The following GAN variants were observed in gnomAD, a reference collection of about 807,000 sequenced individuals.
GAN encodes the protein gigaxonin, also known as epididymis secretory sperm binding protein.
GAN carries 48 observed loss-of-function variants against 71.3 expected under a neutral mutation model. That is an observed-to-expected ratio of 0.67 (90% CI 0.53 to 0.86). The LOEUF is 0.86. Ranked by LOEUF, GAN falls within the 40% of genes least tolerant of loss-of-function variation. The pLI is 0.00. For missense variants in GAN, 928 were observed against 770.1 expected (o/e 1.21, Z -2.43); for synonymous variants, 386 against 276.8 (o/e 1.39, Z -3.92).
rs780427229 is a variant in GAN at position 81,365,453 on chromosome 16, G to A, written c.1477G>A (p.Glu493Lys). 8 of 1,613,644 alleles carry A rather than the reference G, an allele frequency of 5.0e-6. No homozygotes were observed. The highest frequency in any genetic ancestry group is 5.9e-6 in the Non-Finnish European group (7 of 1,179,922). The change falls in exon 9 of 11, where the codon GAG becomes AAG. Residue 493 changes from glutamate to lysine, a missense_variant. Coordinates refer to ENST00000648994, the MANE Select transcript of GAN (RefSeq NM_022041.4). ...TAGCGAGATGGTAACTTGCAAGTCC[G>A]AGTTCTACCATGATGAGTTTAAAAG... ...QGSEMVTCKS[E>K]FYHDEFKRWI...
chr16:81,375,973 C>CAAAAAAAA (rs55948304), intron 9 of GAN, among the ~76,000 whole-genome samples: 1 of 106,532 alleles, frequency 9.4e-6, no homozygotes, highest in African/African-American at 3.5e-5. Flanking sequence ...GACCCTGTCT[C>CAAAAAAAA]AAAAAAAAAA....
In GAN at chr16:81,351,022, A is replaced by G. The variant is rs1910283141; in HGVS notation, c.168-561A>G. Among the ~76,000 whole-genome samples, 5 of 152,348 alleles carry G rather than the reference A, an allele frequency of 3.3e-5. 1 individual carries two copies. In the South Asian group the frequency reaches 1.0e-3, roughly 32 times the overall value. On this transcript the variant is annotated intron_variant, in intron 1 of 10. Transcript: ENST00000648994. ...TCATTTATATAAAACAATAATGCAAAATGGATGACTAATTATAAAACAAGT... is the reference window on the plus strand; with the variant it reads ...TCATTTATATAAAACAATAATGCAAGATGGATGACTAATTATAAAACAAGT...
At chr16:81,343,849 G>A (rs1433030410) in intron 1 of GAN, among the ~76,000 whole-genome samples, 4 of 152,198 alleles carry the variant, frequency 2.6e-5, no homozygotes, top group Non-Finnish European at 5.9e-5. Flanking sequence ...CAGATGACAT[G>A]ATTGTATATT....
At chr16:81,375,571 C>G (rs1904277593) in intron 9 of GAN, among the ~76,000 whole-genome samples, 1 of 152,066 alleles carries the variant, frequency 6.6e-6, no homozygotes, top group South Asian at 2.1e-4. Context: ...AGTGATTCAC[C>G]TGCCTCAACC....
At chr16:81,321,250 G>A (rs187233842) in intron 1 of GAN, among the ~76,000 whole-genome samples, 26 of 152,238 alleles carry the variant, frequency 1.7e-4, no homozygotes, top group Non-Finnish European at 2.9e-4. Context: ...AGAGGGAAGT[G>A]TGGGGTGTTC....
chr16:81,319,399 G>C (rs937280791), intron 1 of GAN, among the ~76,000 whole-genome samples: 3 of 151,666 alleles, frequency 2.0e-5, no homozygotes, highest in Non-Finnish European at 4.4e-5. Flanking sequence ...AGGCTCTTCC[G>C]ATTCTGGCAC....
chr16:81,348,549 G>A (rs1910196560), intron 1 of GAN, among the ~76,000 whole-genome samples: 2 of 152,196 alleles, frequency 1.3e-5, no homozygotes. Context: ...AGATACTGAT[G>A]GTGTCAGTCT....
Position 81,377,630 on chromosome 16 carries a change from C to T in GAN, c.*34C>T, listed in dbSNP as rs1323216186. 2 of 1,574,220 alleles carry T rather than the reference C, an allele frequency of 1.3e-6. No individual in the cohort carries two copies. The highest frequency in any genetic ancestry group is 1.1e-5 in the South Asian group (1 of 90,226). ...CAGAGCAGAGTGCGAGATCCTGACC[C>T]AAGAGCACCATAACATAGCTCCGAA... On this transcript the variant is annotated 3_prime_UTR_variant, in exon 11 of 11. Coordinates refer to ENST00000648994, the MANE Select transcript of GAN (RefSeq NM_022041.4).
chr16:81,381,210 T>C lies in GAN; in HGVS notation c.*3614T>C, dbSNP rs1234214045. On this transcript the variant is annotated 3_prime_UTR_variant, in exon 11 of 11. Transcript: ENST00000648994. The stretch of plus-strand genomic sequence containing the variant: ...TTCTAGAGAAATGTCTTAGCTGCTG[T>C]GGTCCATTAGAGTTCCCTTTGGTAC... 6.6e-6 allele frequency: 1 copy of C among 152,222 alleles called. No homozygotes were observed. Among genetic ancestry groups the C allele is most frequent in the Non-Finnish European group, 1.5e-5 (1 of 68,032 alleles). 9.4% of individuals were successfully genotyped at this position (152,222 alleles called of 1,614,324 possible). A position where few individuals can be genotyped will look rare whatever the true frequency, so the allele number is the denominator to read the frequency against.
At chr16:81,335,853 T>C (rs1195169449) in intron 1 of GAN, among the ~76,000 whole-genome samples, 1 of 151,764 alleles carries the variant, frequency 6.6e-6, no homozygotes, top group East Asian at 1.9e-4. Context: ...GTAAAAAGAA[T>C]TGGTGGCAGA....
chr16:81,355,451 A>G (rs1224597833), intron 3 of GAN, among the ~76,000 whole-genome samples: 1 of 152,156 alleles, frequency 6.6e-6, no homozygotes, highest in East Asian at 1.9e-4. Context: ...TGCAGTCCCA[A>G]CCTTCCTGGC....
rs896342041 is a variant in GAN at position 81,387,079 on chromosome 16, G to A, written c.*9483G>A. On this transcript the variant is annotated 3_prime_UTR_variant, in exon 11 of 11. Coordinates refer to ENST00000648994, the MANE Select transcript of GAN (RefSeq NM_022041.4). ...TCACTTAAGGTGAGCTACTCTAGCA[G>A]CATCCTGTTTGACATTTGTATCCAT... 1 of 152,228 alleles carries A rather than the reference G, an allele frequency of 6.6e-6. No individual in the cohort carries two copies. The highest frequency in any genetic ancestry group is 1.5e-5 in the Non-Finnish European group (1 of 68,048). The allele number at this position is 152,228 out of a possible 1,614,324, so 9.4% of individuals were successfully genotyped here. A position where few individuals can be genotyped will look rare whatever the true frequency, so the allele number is the denominator to read the frequency against.
chr16:81,340,835 A>C (rs969841577), intron 1 of GAN, among the ~76,000 whole-genome samples: 5 of 152,078 alleles, frequency 3.3e-5, no homozygotes, highest in Admixed American at 2.0e-4. Flanking sequence ...CAGTAATAAC[A>C]AACTTCTCCA....
chr16:81,358,252 C>T (rs928466093), intron 5 of GAN, among the ~76,000 whole-genome samples: 6 of 152,178 alleles, frequency 3.9e-5, no homozygotes, highest in African/African-American at 1.4e-4. Context: ...CACAGCGTTT[C>T]TTTGCACCAT....
At chr16:81,371,354 C>G (rs1261139537) in intron 9 of GAN, among the ~76,000 whole-genome samples, 2 of 152,158 alleles carry the variant, frequency 1.3e-5, no homozygotes, top group Non-Finnish European at 2.9e-5. Context: ...TCTAATTTTT[C>G]TGGCTCTTCT....
chr16:81,349,753 A>G (rs977711316), intron 1 of GAN, among the ~76,000 whole-genome samples: 5 of 152,242 alleles, frequency 3.3e-5, no homozygotes, highest in Admixed American at 2.0e-4. Flanking sequence ...CTGAATGCAA[A>G]TAATGAGTTT....
At chr16:81,343,916 A>C (rs1188995289) in intron 1 of GAN, among the ~76,000 whole-genome samples, 1 of 152,244 alleles carries the variant, frequency 6.6e-6, no homozygotes, top group Non-Finnish European at 1.5e-5. Flanking sequence ...CAACTTCAGC[A>C]AAGTCTCAGG....
rs1417730983 is a variant in GAN at position 81,362,536 on chromosome 16, T to C, written c.1011T>C (p.Asn337=). The part of the protein sequence containing the change: ...FLFVFGGQDE[N]KQTLSSGEKY... ...TTGTATTCGGGGGCCAAGATGAAAA[T>C]AAGCAGACTCTTAGCTCAGGAGAAA... Residue 337 remains asparagine (N), a synonymous_variant, in exon 6 of 11, where the codon AAT becomes AAC. Coordinates refer to ENST00000648994, the MANE Select transcript of GAN (RefSeq NM_022041.4). 1 of 1,609,854 alleles carries C rather than the reference T, an allele frequency of 6.2e-7. No individual in the cohort carries two copies. The highest frequency in any genetic ancestry group is 8.5e-7 in the Non-Finnish European group (1 of 1,176,090).
At chr16:81,325,378 C>A (rs563515576) in intron 1 of GAN, among the ~76,000 whole-genome samples, 30 of 152,176 alleles carry the variant, frequency 2.0e-4, no homozygotes, top group African/African-American at 6.7e-4. Context: ...GACAGCAGGG[C>A]CATTGAGGCA....
Sources: gnomAD v4.1 joint callset for allele counts (sites outside exome capture counted in the v4.1 genomes callset) on GRCh38, gnomAD v4.1.1 for gene constraint, MANE v1.5 for transcripts, NCBI Gene and HGNC (gene_info 2026-07-23, HGNC 2026-07-21) for gene names.